The following YEATS2 variants were observed in gnomAD, a reference collection of about 807,000 sequenced individuals.
YEATS2 encodes YEATS domain-containing protein 2.
Under a neutral mutation model 163.2 loss-of-function variants are expected in YEATS2, and 77 were observed. That is an observed-to-expected ratio of 0.47 (90% CI 0.39 to 0.57). The LOEUF is 0.57. Among genes scored for constraint, YEATS2 ranks in the 20% least tolerant of loss-of-function variants. YEATS2 has a pLI of 0.00. For missense variants in YEATS2, 1,549 were observed against 1,729.8 expected (o/e 0.90, Z 1.85); for synonymous variants, 631 against 645.1 (o/e 0.98, Z 0.33).
intron 1 of YEATS2, among the ~76,000 whole-genome samples, chr3:183,714,361 T>C (rs1335576026): frequency 2.2e-5 from 3 of 136,842 alleles, no homozygotes; most frequent in African/African-American, 9.6e-5. Context: ...ATGCCCGTCT[T>C]TTTTTTTTGT....
At chr3:183,802,487 A>ATGTGTGTGTG (rs10663581) in intron 25 of YEATS2, 3 of 145,252 alleles carry the variant, frequency 2.1e-5, no homozygotes, top group Non-Finnish European at 4.5e-5. Flanking sequence ...TCTCTTATAT[A>ATGTGTGTGTG]TGTGTGTGTG....
Position 183,798,990 on chromosome 3 carries a change from G to A in YEATS2, c.3325+1G>A. ...TCTGCTCCAGCAGCTGTTGCAAAAG[G>A]TACGTAGGATCTCACAGAGTTCTCG... On this transcript the variant is annotated splice_donor_variant, in intron 23 of 30. Coordinates refer to ENST00000305135, the MANE Select transcript of YEATS2 (RefSeq NM_018023.5). LOFTEE classifies it high-confidence loss of function. The A allele has an allele frequency of 1.9e-6, 3 of 1,611,680 alleles. No individual in the cohort carries two copies. Among genetic ancestry groups the A allele is most frequent in the Non-Finnish European group, 2.5e-6 (3 of 1,177,832 alleles).
intron 11 of YEATS2, among the ~76,000 whole-genome samples, chr3:183,755,852 T>G (rs1368168398): frequency 6.7e-6 from 1 of 148,192 alleles, no homozygotes; most frequent in Non-Finnish European, 1.5e-5. Flanking sequence ...GTTCAAGCGA[T>G]TCTCCTGCCT....
intron 23 of YEATS2, among the ~76,000 whole-genome samples, chr3:183,799,648 T>C (rs1725474493): frequency 6.6e-6 from 1 of 152,110 alleles, no homozygotes; most frequent in African/African-American, 2.4e-5. Context: ...ACGTGTGACA[T>C]TGATAACACC....
At chr3:183,780,663 T>C (rs1339635154) in intron 19 of YEATS2, among the ~76,000 whole-genome samples, 7 of 152,346 alleles carry the variant, frequency 4.6e-5, no homozygotes, top group South Asian at 4.1e-4. Flanking sequence ...ATACATAAAG[T>C]GCAAAGACTA....
intron 27 of YEATS2, among the ~76,000 whole-genome samples, chr3:183,805,796 A>AG (rs1726132012): frequency 7.3e-5 from 11 of 151,396 alleles, no homozygotes; most frequent in African/African-American, 1.2e-4. Context: ...CCAAAAAAAA[A>AG]AGGGGGGGCA....
intron 26 of YEATS2, chr3:183,803,756 G>A (rs1400570393): frequency 5.4e-6 from 3 of 553,402 alleles, no homozygotes; most frequent in Non-Finnish European, 6.4e-6. Context: ...CGCAGGTGGA[G>A]ACCAGGTGAA....
Position 183,803,341 on chromosome 3 carries a change from C to A in YEATS2, c.3582+6C>A, listed in dbSNP as rs1028308624. 1.2e-6 allele frequency: 2 copies of A among 1,608,792 alleles called. No individual in the cohort carries two copies. The highest frequency in any genetic ancestry group is 8.5e-7 in the Non-Finnish European group (1 of 1,178,378). On this transcript the variant is annotated splice_donor_region_variant and intron_variant, in intron 26 of 30. Transcript: ENST00000305135. ...GAAAAAGGAGAGCCGCTGAGGTAAC[C>A]CACATCTGCCTGTCCACTCTGGCTG...
chr3:183,762,016 C>T (rs749315665), intron 14 of YEATS2, 81 bp from the exon 15 acceptor site: 101 of 1,568,722 alleles, frequency 6.4e-5, no homozygotes, highest in Non-Finnish European at 8.2e-5. Context: ...TCCCTGCAAA[C>T]GGAGAAGAGT....
At chr3:183,792,178 C>A (rs1015140407) in intron 21 of YEATS2, among the ~76,000 whole-genome samples, 1 of 151,836 alleles carries the variant, frequency 6.6e-6, no homozygotes, top group Non-Finnish European at 1.5e-5. Context: ...TGTAGAACGT[C>A]CAGGTTCGTT....
intron 1 of YEATS2, among the ~76,000 whole-genome samples, chr3:183,712,291 A>G (rs1715356164): frequency 6.8e-6 from 1 of 146,644 alleles, no homozygotes; most frequent in South Asian, 2.1e-4. Flanking sequence ...GCTCACTGCA[A>G]CCTGCCTTCT....
At chr3:183,725,825 C>A (rs1717033222) in intron 6 of YEATS2, among the ~76,000 whole-genome samples, 1 of 152,202 alleles carries the variant, frequency 6.6e-6, no homozygotes, top group South Asian at 2.1e-4. Context: ...CCCTGGAAAA[C>A]CTATTTCCTG....
At chr3:183,745,828 T>C (rs1719478231) in intron 8 of YEATS2, among the ~76,000 whole-genome samples, 1 of 152,034 alleles carries the variant, frequency 6.6e-6, no homozygotes, top group Non-Finnish European at 1.5e-5. Flanking sequence ...TGTTTCTTTT[T>C]TCTGTTTTGT....
chr3:183,714,300 A>G (rs1408858548), intron 1 of YEATS2, among the ~76,000 whole-genome samples: 2 of 147,468 alleles, frequency 1.4e-5, no homozygotes, highest in African/African-American at 5.0e-5. Flanking sequence ...GGTTCACGCC[A>G]TTTTCCTGCC....
rs1041924688 is a variant in YEATS2, at chr3:183,721,748, G to A, written c.292-143G>A. 97 of 1,056,386 alleles carry A rather than the reference G, an allele frequency of 9.2e-5. 2 individuals are homozygous for A. In the South Asian group the frequency reaches 1.4e-3, roughly 15 times the overall value. 65.4% of individuals were successfully genotyped at this position (1,056,386 alleles called of 1,614,324 possible). ...TGGTTCAGGCTGTGCTAAGGGGTTG[G>A]GATATCATTTTATGGATGTGGGGAG... On this transcript the variant is annotated intron_variant, in intron 4 of 30. Transcript: ENST00000305135.
chr3:183,734,762 A>C (rs1440552168), intron 7 of YEATS2, among the ~76,000 whole-genome samples: 4 of 152,188 alleles, frequency 2.6e-5, no homozygotes, highest in Non-Finnish European at 5.9e-5. Context: ...GGCCATATGA[A>C]TAAATTAGTC....
At chr3:183,721,049 C>G (rs1024235668) in intron 4 of YEATS2, among the ~76,000 whole-genome samples, 12 of 152,150 alleles carry the variant, frequency 7.9e-5, no homozygotes, top group South Asian at 2.1e-4. Context: ...GTTAGCAGTT[C>G]TGATCTGTGC....
intron 1 of YEATS2, among the ~76,000 whole-genome samples, chr3:183,711,351 T>A (rs551225704): frequency 6.6e-6 from 1 of 151,290 alleles, no homozygotes; most frequent in Non-Finnish European, 1.5e-5. Flanking sequence ...AGGGCACCTG[T>A]AGTCCCAGCT....
chr3:183,773,307 T>C (rs1722664179), intron 16 of YEATS2, among the ~76,000 whole-genome samples: 1 of 152,168 alleles, frequency 6.6e-6, no homozygotes, highest in Admixed American at 6.6e-5. Context: ...CACAGTACTT[T>C]GGAGAGTAAA....
Sources: allele counts gnomAD v4.1 joint callset (sites outside exome capture counted in the v4.1 genomes callset), GRCh38; gene constraint gnomAD v4.1.1; transcripts MANE v1.5; gene names NCBI Gene and HGNC (gene_info 2026-07-23, HGNC 2026-07-21).